SPATS2: variants seen among roughly 807,000 people sequenced by gnomAD.
The protein encoded by SPATS2 is spermatogenesis-associated serine-rich protein 2.
SPATS2 carries 38 observed loss-of-function variants against 63.7 expected under a neutral mutation model. The observed-to-expected ratio is 0.60, with a 90% CI of 0.46 to 0.78. The LOEUF (loss-of-function observed/expected upper bound fraction) is 0.78. Among genes scored for constraint, SPATS2 ranks in the 30% least tolerant of loss-of-function variants. The pLI is 0.00. For synonymous variants in SPATS2, 207 were observed against 232.9 expected, an observed-to-expected ratio of 0.89 and a Z score of 1.01; for missense variants, 588 against 666.2, an observed-to-expected ratio of 0.88 and a Z score of 1.29.
Position 49,522,313 on chromosome 12 carries a change from T to C in SPATS2, c.1009-438T>C, listed in dbSNP as rs180932133. Among the ~76,000 whole-genome samples the C allele has an allele frequency of 1.6e-3, 241 of 152,344 alleles. 1 individual carries two copies. Among genetic ancestry groups the C allele is most frequent in the Middle Eastern group, 0.014 (4 of 294 alleles). On this transcript the variant is annotated intron_variant, in intron 11 of 13. Coordinates refer to ENST00000552918, the MANE Select transcript of SPATS2 (RefSeq NM_023071.4). ...GAAATCCTACTTTATTATAAAGAGA[T>C]GAAGTAGGTTTCCTAAGGAAGTTCC... is the stretch of plus-strand genomic sequence containing the variant.
intron 3 of SPATS2, among the ~76,000 whole-genome samples, chr12:49,465,225 A>G (rs771301143): frequency 6.6e-6 from 1 of 152,222 alleles, no homozygotes; most frequent in African/African-American, 2.4e-5. Flanking sequence ...TTGTGGAGGT[A>G]CTTAGGAGTG....
rs1946722458 is a variant in SPATS2 at position 49,509,982 on chromosome 12, TA to T, written c.840-4572del. Among the ~76,000 whole-genome samples, 7 of 152,138 alleles carry T rather than the reference TA, an allele frequency of 4.6e-5. No homozygotes were observed. The South Asian group carries it at 1.4e-3, about 32-fold the overall frequency. On this transcript the variant is annotated intron_variant, in intron 9 of 13. Transcript: ENST00000552918. ...AGAATGAATAGGTTTTAAGGCCATT[TA>T]TGGTGGCTCATACCTATAATCCCAG...
At chr12:49,435,202 T>C (rs1592391647) in intron 2 of SPATS2, among the ~76,000 whole-genome samples, 1 of 151,954 alleles carries the variant, frequency 6.6e-6, no homozygotes, top group Admixed American at 6.6e-5. Context: ...GGCTAATTTT[T>C]TGTATTTTTA....
rs766691094 is a variant in SPATS2 at position 49,494,897 on chromosome 12, A to G, written c.421A>G (p.Thr141Ala). 1.9e-6 allele frequency: 3 copies of G among 1,614,062 alleles called. No individual in the cohort carries two copies. Among genetic ancestry groups the G allele is most frequent in the African/African-American group, 2.7e-5 (2 of 75,006 alleles). Residue 141 changes from threonine to alanine, a missense_variant, in exon 7 of 14, where the codon ACT becomes GCT. Transcript: ENST00000552918. ...GYHVNGAIND[T>A]ESVDSLSEGL... is the part of the protein sequence containing the mutation. ...CCATGTCAATGGTGCCATCAATGAC[A>G]CTGAGTCTGTGGACTCACTCAGTGA... is the stretch of plus-strand genomic sequence containing the variant.
intron 2 of SPATS2, among the ~76,000 whole-genome samples, chr12:49,423,352 G>A (rs781780598): frequency 1.2e-4 from 19 of 152,128 alleles, no homozygotes; most frequent in Middle Eastern, 3.4e-3. Flanking sequence ...GGCTGGTCTC[G>A]AACTCCTGAC....
intron 2 of SPATS2, among the ~76,000 whole-genome samples, chr12:49,427,302 T>C (rs1334695832): frequency 6.6e-6 from 1 of 152,226 alleles, no homozygotes; most frequent in Admixed American, 6.5e-5. Context: ...AAGAATCTTA[T>C]GTTGTATGTA....
At chr12:49,475,933 A>G (rs571618661) in intron 3 of SPATS2, among the ~76,000 whole-genome samples, 1 of 152,146 alleles carries the variant, frequency 6.6e-6, no homozygotes, top group South Asian at 2.1e-4. Flanking sequence ...AATGATAGGG[A>G]AGTCGGGAAG....
At chr12:49,371,846 A>G (rs1024845218) in intron 2 of SPATS2, among the ~76,000 whole-genome samples, 19 of 152,114 alleles carry the variant, frequency 1.2e-4, no homozygotes, top group Non-Finnish European at 4.4e-5. Context: ...AACCACCCCA[A>G]TATTCCAGTC....
intron 2 of SPATS2, among the ~76,000 whole-genome samples, chr12:49,376,260 C>G (rs1421225772): frequency 6.6e-6 from 1 of 151,786 alleles, no homozygotes; most frequent in African/African-American, 2.4e-5. Context: ...CGCCACCACG[C>G]CCAGCTAATT....
At chr12:49,458,237 G>A (rs1475932590) in intron 2 of SPATS2, among the ~76,000 whole-genome samples, 3 of 152,154 alleles carry the variant, frequency 2.0e-5, no homozygotes, top group South Asian at 2.1e-4. Context: ...GGAGGCGGAG[G>A]CAGACTGATC....
chr12:49,390,156 G>A (rs1944395343), intron 2 of SPATS2: 4 of 1,522,386 alleles, frequency 2.6e-6, no homozygotes, highest in African/African-American at 1.4e-5. Flanking sequence ...TGAGTCTGAG[G>A]AAGAGCTGAA....
rs1410876853 is a variant in SPATS2, at chr12:49,492,888, G to A, written c.265-1853G>A. ...AGGCAGGTGGATCACTGGAGGTCAG[G>A]GGATTGAGACCAGCCTGGCCAACAT... On this transcript the variant is annotated intron_variant, in intron 6 of 13. Transcript: ENST00000552918. 2.0e-5 allele frequency among the ~76,000 whole-genome samples: 3 copies of A among 152,024 alleles called. No homozygotes were observed. The East Asian group carries it at 5.8e-4, about 29-fold the overall frequency.
At chr12:49,409,010 A>G (rs1351499136) in intron 2 of SPATS2, among the ~76,000 whole-genome samples, 1 of 150,294 alleles carries the variant, frequency 6.7e-6, no homozygotes, top group Non-Finnish European at 1.5e-5. Flanking sequence ...GCTTTCAGTC[A>G]ATTATGCTAA....
chr12:49,490,683 T>C lies in SPATS2; in HGVS notation c.216T>C (p.Gly72=). 1 of 1,613,884 alleles carries C rather than the reference T, an allele frequency of 6.2e-7. No homozygotes were observed. The highest frequency in any genetic ancestry group is 8.5e-7 in the Non-Finnish European group (1 of 1,179,878). ...VDKTVQAFME[G]SASEVLKEWT... ...ATCTGTAATTGGTTTCTCTTACAGGTAGTGCCAGTGAAGTACTCAAAGAAT... is the reference window on the plus strand; with the variant it reads ...ATCTGTAATTGGTTTCTCTTACAGGCAGTGCCAGTGAAGTACTCAAAGAAT... Residue 72 remains glycine, a splice_region_variant and synonymous_variant, in exon 6 of 14, where the codon GGT becomes GGC. Coordinates refer to ENST00000552918, the MANE Select transcript of SPATS2 (RefSeq NM_023071.4).
chr12:49,451,445 A>G (rs986117936), intron 2 of SPATS2, among the ~76,000 whole-genome samples: 2 of 152,106 alleles, frequency 1.3e-5, no homozygotes, highest in Non-Finnish European at 2.9e-5. Context: ...TTATATCTAT[A>G]TTTGCTATAA....
chr12:49,523,286 G>T (rs1050878696), intron 12 of SPATS2, among the ~76,000 whole-genome samples: 2 of 149,422 alleles, frequency 1.3e-5, no homozygotes, highest in Non-Finnish European at 3.0e-5. Flanking sequence ...ACCAGCCTGG[G>T]CAACATAGCG....
chr12:49,440,352 C>A (rs1311024187), intron 2 of SPATS2, among the ~76,000 whole-genome samples: 4 of 152,162 alleles, frequency 2.6e-5, no homozygotes, highest in African/African-American at 9.7e-5. Context: ...TCCCTTACAG[C>A]AGCCTCTTTT....
intron 2 of SPATS2, among the ~76,000 whole-genome samples, chr12:49,405,787 G>A (rs534176038): frequency 1.2e-3 from 184 of 152,180 alleles, no homozygotes; most frequent in Non-Finnish European, 1.9e-3. Context: ...TACAGGGCGA[G>A]TCCAAATAAA....
At chr12:49,386,427 A>C (rs1159314620) in intron 2 of SPATS2, among the ~76,000 whole-genome samples, 1 of 152,186 alleles carries the variant, frequency 6.6e-6, no homozygotes, top group Non-Finnish European at 1.5e-5. Context: ...TGGCCTCCCA[A>C]AGTGCTGGGA....
Sources: gnomAD v4.1 joint callset for allele counts (sites outside exome capture counted in the v4.1 genomes callset) on GRCh38, gnomAD v4.1.1 for gene constraint, MANE v1.5 for transcripts, NCBI Gene and HGNC (gene_info 2026-07-23, HGNC 2026-07-21) for gene names.